The following RIBC2 variants were observed in gnomAD, a reference collection of about 807,000 sequenced individuals.
The protein encoded by RIBC2 is RIB43A domain with coiled-coils 2.
A neutral mutation model predicts 44.3 loss-of-function variants in RIBC2; 40 were observed. That is an observed-to-expected ratio of 0.90 (90% CI 0.70 to 1.18). The LOEUF is 1.18. RIBC2 is among the 50% of genes most tolerant of loss of function. RIBC2 has a pLI of 0.00. For synonymous variants in RIBC2, 171 were observed against 175.0 expected, an observed-to-expected ratio of 0.98 and a Z score of 0.18; for missense variants, 459 against 485.5, an observed-to-expected ratio of 0.95 and a Z score of 0.51.
intron 3 of RIBC2, among the ~76,000 whole-genome samples, chr22:45,420,058 T>G (rs2087463328): frequency 2.0e-5 from 3 of 152,268 alleles, no homozygotes; most frequent in South Asian, 2.1e-4. Flanking sequence ...TCAGCTGCTC[T>G]TTGGGTCTCT....
chr22:45,419,958 G>A (rs938059445), intron 3 of RIBC2, among the ~76,000 whole-genome samples: 30 of 152,266 alleles, frequency 2.0e-4, no homozygotes, highest in Non-Finnish European at 2.5e-4. Flanking sequence ...CCCGGGAGGC[G>A]GAGCTTGCAG....
chr22:45,419,843 G>A (rs560615040), intron 3 of RIBC2, among the ~76,000 whole-genome samples: 5 of 152,010 alleles, frequency 3.3e-5, no homozygotes, highest in Admixed American at 6.6e-5. Context: ...TGGCTAACAC[G>A]GTGAAACCCC....
rs1275133507 is a variant in RIBC2, at chr22:45,414,013, G to C, written c.127G>C (p.Gly43Arg). Residue 43 changes from glycine to arginine, a missense_variant and splice_region_variant, in exon 1 of 7, where the codon GGG becomes CGG. Coordinates refer to ENST00000614167, the MANE Select transcript of RIBC2 (RefSeq NM_015653.5). ...RVFNARNRIIGGDTEAWDVQV... is the reference protein window; with the variant it reads ...RVFNARNRIIRGDTEAWDVQV... ...CTTCAACGCCAGAAACAGGATAATT[G>C]GGGTGAAAGGGCAGGGGCCGGGACG... is the stretch of plus-strand genomic sequence containing the variant. 5.8e-6 allele frequency: 9 copies of C among 1,551,416 alleles called. No homozygotes were observed. The highest frequency in any genetic ancestry group is 2.6e-6 in the Non-Finnish European group (3 of 1,146,876).
chr22:45,413,895 C>T lies in RIBC2; in HGVS notation c.9C>T (p.Ser3=), dbSNP rs943989180. The T allele has an allele frequency of 2.6e-6, 4 of 1,551,278 alleles. No homozygotes were observed. The highest frequency in any genetic ancestry group is 1.4e-5 in the African/African-American group (1 of 73,168). Residue 3 remains serine (S), a synonymous_variant, in exon 1 of 7, where the codon TCC becomes TCT. Transcript: ENST00000614167. ...AACCCCTTAGGCTTTCCATGGGTTCCCAGACCATGGCGGTGGCGCTGCCCA... is the reference window on the plus strand; with the variant it reads ...AACCCCTTAGGCTTTCCATGGGTTCTCAGACCATGGCGGTGGCGCTGCCCA... MG[S]QTMAVALPRD...
At chr22:45,420,050 A>G in intron 3 of RIBC2, among the ~76,000 whole-genome samples, 1 of 152,142 alleles carries the variant, frequency 6.6e-6, no homozygotes, top group African/African-American at 2.4e-5. Flanking sequence ...AGCATCTCTC[A>G]GCTGCTCTTT....
chr22:45,422,616 A>G, intron 4 of RIBC2: 1 of 559,798 alleles, frequency 1.8e-6, no homozygotes, highest in Non-Finnish European at 3.2e-6. Context: ...TCTTGGAGGG[A>G]AACCTGCCAA....
intron 4 of RIBC2, 56 bp downstream of exon 4, chr22:45,422,464 ACGGCTTCCCAAGGCTCTC>A: frequency 2.4e-6 from 3 of 1,266,004 alleles, no homozygotes; most frequent in South Asian, 1.2e-5. Context: ...TGAGCCCACT[ACGGCTTCCCAAGGCTCTC>A]CGGCTTCCCT....
At chr22:45,414,436 TA>T in intron 2 of RIBC2, 33 bp downstream of exon 2, 1 of 1,463,944 alleles carries the variant, frequency 6.8e-7, no homozygotes, top group Non-Finnish European at 9.3e-7. Context: ...TCTATTGGTT[TA>T]GGATTGTGTG....
rs563907457 is a variant in RIBC2 at position 45,422,744 on chromosome 22, T to C, written c.675+336T>C. ...TACCGCCTAGCTCTGCTCCACTGCC[T>C]GGTGCTGGTTTCCATTCTTCCCACC... is the stretch of plus-strand genomic sequence containing the variant. On this transcript the variant is annotated intron_variant, in intron 4 of 6. Coordinates refer to ENST00000614167, the MANE Select transcript of RIBC2 (RefSeq NM_015653.5). Among the ~76,000 whole-genome samples, 44 of 152,306 alleles carry C rather than the reference T, an allele frequency of 2.9e-4. No individual in the cohort carries two copies. The South Asian group carries it at 7.3e-3, about 25-fold the overall frequency.
At chr22:45,417,466 T>A in intron 2 of RIBC2, 136 bp from the exon 3 acceptor site, 1 of 631,080 alleles carries the variant, frequency 1.6e-6, no homozygotes, top group Non-Finnish European at 2.7e-6. Context: ...AGAAAGATGG[T>A]TGGAGGCCAG....
At chr22:45,426,832 G>C (rs953256787) in intron 5 of RIBC2, among the ~76,000 whole-genome samples, 1 of 152,140 alleles carries the variant, frequency 6.6e-6, no homozygotes, top group South Asian at 2.1e-4. Flanking sequence ...CTGGGACCAC[G>C]GGGCAGGCAG....
rs2087491655 is a variant in RIBC2 at position 45,422,160 on chromosome 22, TC to T, written c.557-128del. The T allele has an allele frequency of 7.1e-6, 5 of 699,330 alleles. No homozygotes were observed. The East Asian group carries it at 1.2e-4, about 17-fold the overall frequency. 43.3% of individuals were successfully genotyped at this position (699,330 alleles called of 1,614,324 possible). ...CTCTCCCACAGCCTTCAGAGGCAGG[TC>T]CTGTCATTATTGTTCCCGTCCTCAT... On this transcript the variant is annotated intron_variant, in intron 3 of 6. Transcript: ENST00000614167.
At chr22:45,424,896 C>G (rs1476285243) in intron 4 of RIBC2, among the ~76,000 whole-genome samples, 1 of 151,712 alleles carries the variant, frequency 6.6e-6, no homozygotes, top group African/African-American at 2.4e-5. Context: ...GCTGGGATTA[C>G]AGGCCTCTAC....
At chr22:45,418,858 C>G (rs914924403) in intron 3 of RIBC2, among the ~76,000 whole-genome samples, 1 of 152,266 alleles carries the variant, frequency 6.6e-6, no homozygotes, top group East Asian at 1.9e-4. Context: ...GATTTATGCC[C>G]TCCCTGCTCC....
intron 4 of RIBC2, 79 bp downstream of exon 4, chr22:45,422,487 T>C (rs910793729): frequency 1.0e-6 from 1 of 1,004,950 alleles, no homozygotes; most frequent in East Asian, 2.4e-5. Context: ...GCTCTCCGGC[T>C]TCCCTGGGAT....
Position 45,417,857 on chromosome 22 carries a change from G to A in RIBC2, c.467G>A (p.Arg156Lys). The A allele has an allele frequency of 6.2e-7, 1 of 1,614,092 alleles. No individual in the cohort carries two copies. The highest frequency in any genetic ancestry group is 8.5e-7 in the Non-Finnish European group (1 of 1,180,024). The change falls in exon 3 of 7, where the codon AGG becomes AAG. Residue 156 changes from arginine to lysine, a missense_variant. Arg to Lys is a conservative substitution (Grantham distance 26). Transcript: ENST00000614167. ...FMGEDLNFHE[R>K]KKFQEEQNRE... ...GGAGAGGATTTAAACTTCCATGAGA[G>A]GAAGAAATTCCAAGAGGAACAAAAC...
At chr22:45,432,197 T>C in intron 6 of RIBC2, 87 bp from the exon 7 acceptor site, 1 of 682,016 alleles carries the variant, frequency 1.5e-6, no homozygotes, top group Non-Finnish European at 2.4e-6. Context: ...TAATAAAAAG[T>C]TTGTGTGCCT....
In RIBC2 at chr22:45,432,359, A is replaced by C; in HGVS notation, c.1146A>C (p.Arg382=). ...DYFTQFNTGS[R] is the part of the protein sequence containing the mutation. ...TCACACAATTTAATACAGGAAGTCGATAATGAGGAACACACCCTTGTTCCC... is the reference window on the plus strand; with the variant it reads ...TCACACAATTTAATACAGGAAGTCGCTAATGAGGAACACACCCTTGTTCCC... Residue 382 remains arginine (R), a synonymous_variant, in exon 7 of 7, where the codon CGA becomes CGC. Coordinates refer to ENST00000614167, the MANE Select transcript of RIBC2 (RefSeq NM_015653.5). The C allele has an allele frequency of 6.3e-7, 1 of 1,586,532 alleles. No homozygotes were observed. Among genetic ancestry groups the C allele is most frequent in the Non-Finnish European group, 8.7e-7 (1 of 1,155,848 alleles).
intron 4 of RIBC2, among the ~76,000 whole-genome samples, chr22:45,424,926 T>G (rs1422416576): frequency 6.6e-6 from 1 of 151,918 alleles, no homozygotes; most frequent in Non-Finnish European, 1.5e-5. Context: ...CAGCTAATTT[T>G]TCTATTTTTA....
Sources: allele counts gnomAD v4.1 joint callset (sites outside exome capture counted in the v4.1 genomes callset), GRCh38; gene constraint gnomAD v4.1.1; transcripts MANE v1.5; gene names NCBI Gene and HGNC (gene_info 2026-07-23, HGNC 2026-07-21).